The following RALY variants were observed in gnomAD, a reference collection of about 807,000 sequenced individuals.
RALY encodes the protein RNA-binding protein Raly.
Under a neutral mutation model 30.7 loss-of-function variants are expected in RALY, and 15 were observed. That is an observed-to-expected ratio of 0.49 (90% confidence interval 0.33 to 0.75). RALY has a LOEUF of 0.75. Among genes scored for constraint, RALY ranks in the 30% least tolerant of loss-of-function variants. RALY has a pLI of 0.02. For missense variants in RALY, 339 were observed against 414.3 expected, an observed-to-expected ratio of 0.82 and a Z score of 1.58; for synonymous variants, 177 against 170.8, an observed-to-expected ratio of 1.04 and a Z score of -0.28.
At chr20:34,024,544 A>G (rs2031948135) in intron 1 of RALY, among the ~76,000 whole-genome samples, 1 of 152,188 alleles carries the variant, frequency 6.6e-6, no homozygotes, top group Non-Finnish European at 1.5e-5. Context: ...GAGACTGCCT[A>G]GATTGAGTTT....
At chr20:34,070,746 G>A (rs564769381) in intron 2 of RALY, among the ~76,000 whole-genome samples, 178 of 152,324 alleles carry the variant, frequency 1.2e-3, no homozygotes, top group African/African-American at 4.2e-3. Context: ...ACATTAACTT[G>A]TGGGATCTTG....
intron 2 of RALY, among the ~76,000 whole-genome samples, chr20:34,055,435 A>G (rs970874466): frequency 8.5e-5 from 13 of 152,142 alleles, no homozygotes; most frequent in Admixed American, 7.9e-4. Context: ...AACAGCATAG[A>G]TAAGGAAGGA....
At chr20:34,014,113 G>C (rs182648204) in intron 1 of RALY, among the ~76,000 whole-genome samples, 1 of 152,162 alleles carries the variant, frequency 6.6e-6, no homozygotes, top group African/African-American at 2.4e-5. Context: ...AAGTTTGCGT[G>C]CATGCTGGAC....
At chr20:34,076,083 C>T in intron 6 of RALY, 43 bp downstream of exon 6, 1 of 1,574,746 alleles carries the variant, frequency 6.4e-7, no homozygotes, top group Non-Finnish European at 8.7e-7. Context: ...GCATTTTTAT[C>T]ATTAGCAAAA....
intron 1 of RALY, among the ~76,000 whole-genome samples, chr20:34,012,442 C>CCTCTTTTCTTT (rs111363781): frequency 6.6e-6 from 1 of 151,434 alleles, no homozygotes. Context: ...GCCTTGCTTG[C>CCTCTTTTCTTT]CTCTTCTCTT....
At chr20:34,004,823 A>C (rs945975343) in intron 1 of RALY, among the ~76,000 whole-genome samples, 1 of 152,176 alleles carries the variant, frequency 6.6e-6, no homozygotes, top group African/African-American at 2.4e-5. Context: ...CTCAGAGCTC[A>C]TCTATTAGTT....
chr20:34,072,464 T>A, intron 3 of RALY, 134 bp downstream of exon 3: 1 of 1,247,344 alleles, frequency 8.0e-7, no homozygotes, highest in Non-Finnish European at 1.1e-6. Context: ...AAGCTATGTT[T>A]AAGTTTTAAA....
At chr20:34,076,967 G>C in intron 7 of RALY, 61 bp from the exon 8 acceptor site, 1 of 1,608,488 alleles carries the variant, frequency 6.2e-7, no homozygotes, top group African/African-American at 1.3e-5. Context: ...CTAAGGTGCT[G>C]CCCTAGACAG....
chr20:34,032,243 G>A (rs1212509555), intron 2 of RALY, among the ~76,000 whole-genome samples: 2 of 152,150 alleles, frequency 1.3e-5, no homozygotes, highest in East Asian at 1.9e-4. Context: ...GATTACAAGC[G>A]TGAGCCACCG....
At chr20:34,035,184 A>AAAAAC (rs2032447985) in intron 2 of RALY, among the ~76,000 whole-genome samples, 1 of 142,878 alleles carries the variant, frequency 7.0e-6, no homozygotes, top group Non-Finnish European at 1.5e-5. Context: ...AAAAAAAAAA[A>AAAAAC]AAACAGTCTG....
At chr20:34,054,602 G>T (rs1361978008) in intron 2 of RALY, among the ~76,000 whole-genome samples, 2 of 152,160 alleles carry the variant, frequency 1.3e-5, no homozygotes, top group African/African-American at 4.8e-5. Flanking sequence ...GAGGCAGGTG[G>T]ATCACTTGAG....
chr20:34,003,382 C>T (rs1381432577), intron 1 of RALY, among the ~76,000 whole-genome samples: 1 of 152,032 alleles, frequency 6.6e-6, no homozygotes, highest in African/African-American at 2.4e-5. Context: ...AGTCATTTGT[C>T]AGTGGTAATA....
At chr20:34,076,667 C>T in intron 6 of RALY, 35 bp from the exon 7 acceptor site, 2 of 1,576,930 alleles carry the variant, frequency 1.3e-6, no homozygotes, top group South Asian at 1.1e-5. Flanking sequence ...CCTCCAGCCC[C>T]CTAGGTGACA....
intron 1 of RALY, among the ~76,000 whole-genome samples, chr20:34,031,276 G>A (rs1428070601): frequency 1.4e-5 from 2 of 144,584 alleles, no homozygotes; most frequent in East Asian, 2.0e-4. Context: ...GGCCGGGCTC[G>A]TCTTGAACTC....
In RALY at chr20:34,034,791, A is replaced by G. The variant is rs1426275654; in HGVS notation, c.-10+3187A>G. Among the ~76,000 whole-genome samples, 4 of 152,184 alleles carry G rather than the reference A, an allele frequency of 2.6e-5. No homozygotes were observed. The East Asian group carries it at 5.8e-4, about 22-fold the overall frequency. Reference sequence around the variant, plus strand: ...TATCAAAAAAGGGAGAAGAGCTGCTATATTAATACCATCTAGGGGTGAGAG... The same window carrying G: ...TATCAAAAAAGGGAGAAGAGCTGCTGTATTAATACCATCTAGGGGTGAGAG... On this transcript the variant is annotated intron_variant, in intron 2 of 9. Transcript: ENST00000246194.
At chr20:33,995,267 A>G (rs2030557126) in intron 1 of RALY, among the ~76,000 whole-genome samples, 1 of 152,236 alleles carries the variant, frequency 6.6e-6, no homozygotes, top group Non-Finnish European at 1.5e-5. Context: ...GGTCTCAGAC[A>G]CAACTCAAAT....
At chr20:34,059,164 TATATGTTGATGC>T (rs2033343573) in intron 2 of RALY, among the ~76,000 whole-genome samples, 1 of 152,160 alleles carries the variant, frequency 6.6e-6, no homozygotes, top group Admixed American at 6.5e-5. Context: ...AAATTTAAGA[TATATGTTGATGC>T]ATATGCTGTC....
At chr20:34,073,526 T>A in intron 3 of RALY, 37 bp from the exon 4 acceptor site, 1 of 1,523,796 alleles carries the variant, frequency 6.6e-7, no homozygotes, top group Non-Finnish European at 9.1e-7. Context: ...CACACTGTCA[T>A]GTTAGCATTC....
chr20:33,994,572 G>C (rs2030504030), intron 1 of RALY, among the ~76,000 whole-genome samples: 1 of 152,248 alleles, frequency 6.6e-6, no homozygotes, highest in African/African-American at 2.4e-5. Flanking sequence ...CCCGGACTGG[G>C]TCTACGGGCT....
Sources: allele counts gnomAD v4.1 joint callset (sites outside exome capture counted in the v4.1 genomes callset), GRCh38; gene constraint gnomAD v4.1.1; transcripts MANE v1.5; gene names NCBI Gene and HGNC (gene_info 2026-07-23, HGNC 2026-07-21).